The following PACSIN2 variants were observed in gnomAD, a reference collection of about 807,000 sequenced individuals.
PACSIN2 encodes the protein protein kinase C and casein kinase substrate in neurons 2, also known as protein kinase C and casein kinase substrate in neurons protein 2.
PACSIN2 carries 25 observed loss-of-function variants against 63.8 expected under a neutral mutation model. The ratio of observed to expected loss-of-function variants is 0.39; its 90% CI spans 0.29 to 0.55. PACSIN2 has a LOEUF of 0.55. Ranked by LOEUF, PACSIN2 falls within the 20% of genes least tolerant of loss-of-function variation. The pLI, the probability that PACSIN2 is intolerant of heterozygous loss-of-function variation, is 0.62. For synonymous variants in PACSIN2, 255 were observed against 256.2 expected, an observed-to-expected ratio of 1.00 and a Z score of 0.05; for missense variants, 518 against 646.9, an observed-to-expected ratio of 0.80 and a Z score of 2.16.
intron 2 of PACSIN2, among the ~76,000 whole-genome samples, chr22:42,907,736 A>G (rs1931179534): frequency 6.6e-6 from 1 of 152,258 alleles, no homozygotes; most frequent in African/African-American, 2.4e-5. Context: ...CTCTCCATAC[A>G]ACGCTGGCTC....
intron 1 of PACSIN2, among the ~76,000 whole-genome samples, chr22:42,930,048 C>T (rs1487306170): frequency 6.6e-6 from 1 of 152,064 alleles, no homozygotes; most frequent in Non-Finnish European, 1.5e-5. Context: ...TTTTTGTGTC[C>T]CAATCCTAGC....
chr22:42,969,562 C>T (rs888606711), intron 1 of PACSIN2, among the ~76,000 whole-genome samples: 5 of 152,100 alleles, frequency 3.3e-5, no homozygotes, highest in Non-Finnish European at 7.4e-5. Context: ...ATTGTAACAC[C>T]GGCATTATCC....
Position 42,879,111 on chromosome 22 carries a change from T to G in PACSIN2, c.965A>C (p.Asp322Ala). Reference protein sequence around the residue: ...LSRREKKKATDGVTLTGINQT... With the variant: ...LSRREKKKATAGVTLTGINQT... The stretch of plus-strand genomic sequence containing the variant: ...GTTGATGCCCGTCAGGGTGACGCCG[T>G]CAGTGGCCTTCTTCTTCTCTCTCCG... The change falls in exon 8 of 11, where the codon GAC becomes GCC. Residue 322 changes from aspartate (D) to alanine (A), a missense_variant. By Grantham distance (126) the Asp-to-Ala change is moderately radical. Transcript: ENST00000263246. 1 of 1,614,130 alleles carries G rather than the reference T, an allele frequency of 6.2e-7. No individual in the cohort carries two copies. The highest frequency in any genetic ancestry group is 8.5e-7 in the Non-Finnish European group (1 of 1,180,000).
chr22:42,936,628 T>C (rs566024829), intron 1 of PACSIN2, among the ~76,000 whole-genome samples: 82 of 152,192 alleles, frequency 5.4e-4, no homozygotes, highest in African/African-American at 1.8e-3. Context: ...GATGGGGTTA[T>C]GGCTGGGCAT....
chr22:42,872,232 G>A (rs546560027), intron 10 of PACSIN2, among the ~76,000 whole-genome samples: 50 of 152,344 alleles, frequency 3.3e-4, no homozygotes, highest in African/African-American at 1.2e-3. Flanking sequence ...TGGTGAGGGG[G>A]AGGTGGCACT....
chr22:42,906,006 C>G (rs1931050039), intron 2 of PACSIN2, among the ~76,000 whole-genome samples: 1 of 152,280 alleles, frequency 6.6e-6, no homozygotes, highest in African/African-American at 2.4e-5. Context: ...GCACCAGGCC[C>G]TGGCAACACC....
At chr22:42,963,195 C>T (rs1323405817) in intron 1 of PACSIN2, among the ~76,000 whole-genome samples, 1 of 152,186 alleles carries the variant, frequency 6.6e-6, no homozygotes, top group African/African-American at 2.4e-5. Context: ...CAGCCAAGGT[C>T]CCTGCCCCGG....
intron 1 of PACSIN2, among the ~76,000 whole-genome samples, chr22:42,981,550 C>T (rs1464508362): frequency 8.5e-6 from 1 of 117,102 alleles, no homozygotes; most frequent in Non-Finnish European, 1.8e-5. Flanking sequence ...CCCGGCCGGC[C>T]GCCCCGTCCG....
At chr22:42,947,744 G>A (rs571075635) in intron 1 of PACSIN2, among the ~76,000 whole-genome samples, 1 of 152,228 alleles carries the variant, frequency 6.6e-6, no homozygotes, top group Non-Finnish European at 1.5e-5. Context: ...GCCTGACACT[G>A]CTCATGGGTA....
rs199640673 is a variant in PACSIN2, at chr22:42,893,633, G to A, written c.61-20C>T. ...CCCGACCTAGGAGAGAGAACCAGCTGGGAGGCAGGGGGCTTGGGGCAGCCT... is the reference window on the plus strand; with the variant it reads ...CCCGACCTAGGAGAGAGAACCAGCTAGGAGGCAGGGGGCTTGGGGCAGCCT... On this transcript the variant is annotated intron_variant, in intron 2 of 10. Coordinates refer to ENST00000263246, the MANE Select transcript of PACSIN2 (RefSeq NM_001184970.3). The A allele has an allele frequency of 9.3e-6, 15 of 1,606,594 alleles. No individual in the cohort carries two copies. Among genetic ancestry groups the A allele is most frequent in the Non-Finnish European group, 1.2e-5 (14 of 1,174,320 alleles).
intron 1 of PACSIN2, among the ~76,000 whole-genome samples, chr22:42,916,597 C>A (rs1931826219): frequency 6.6e-6 from 1 of 152,110 alleles, no homozygotes; most frequent in Admixed American, 6.5e-5. Context: ...TGGCTCCCCG[C>A]TCTCACCCTG....
Position 42,894,723 on chromosome 22 carries a change from T to C in PACSIN2, c.61-1110A>G, listed in dbSNP as rs9623711. Among the ~76,000 whole-genome samples, 923 of 152,136 alleles carry C rather than the reference T, an allele frequency of 6.1e-3. 8 individuals carry two copies. Among genetic ancestry groups the C allele is most frequent in the African/African-American group, 0.021 (888 of 41,486 alleles). On this transcript the variant is annotated intron_variant, in intron 2 of 10. Coordinates refer to ENST00000263246, the MANE Select transcript of PACSIN2 (RefSeq NM_001184970.3). ...GGCTAATTTGGGGTGAAAACGAAAA[T>C]GTTCGATATGTTTCATTCTTTTAGC...
At chr22:42,972,269 G>A (rs1039084938) in intron 1 of PACSIN2, among the ~76,000 whole-genome samples, 3 of 152,164 alleles carry the variant, frequency 2.0e-5, no homozygotes, top group Admixed American at 6.5e-5. Context: ...ATTAAGGGCG[G>A]TGCACGATGT....
chr22:42,870,894 G>A lies in PACSIN2; in HGVS notation c.*463C>T, dbSNP rs529544981. ...TCTGTGCCATAATTTAAGTAGAAAT[G>A]AACAGGTGTATAAAAAAGTATAACT... On this transcript the variant is annotated 3_prime_UTR_variant, in exon 11 of 11. Coordinates refer to ENST00000263246, the MANE Select transcript of PACSIN2 (RefSeq NM_001184970.3). 3 of 169,824 alleles carry A rather than the reference G, an allele frequency of 1.8e-5. No individual in the cohort carries two copies. In the South Asian group the frequency reaches 4.4e-4, roughly 25 times the overall value. The allele number at this position is 169,824 out of a possible 1,614,324, so 10.5% of individuals were successfully genotyped here.
chr22:42,958,000 T>C (rs1281436038), intron 1 of PACSIN2, among the ~76,000 whole-genome samples: 1 of 152,070 alleles, frequency 6.6e-6, no homozygotes, highest in Admixed American at 6.6e-5. Flanking sequence ...GGTAATTCAC[T>C]ATACATCTAT....
At chr22:42,879,194 GAAACC>G in intron 7 of PACSIN2, 25 bp from the exon 8 acceptor site, 1 of 1,607,974 alleles carries the variant, frequency 6.2e-7, no homozygotes, top group Non-Finnish European at 8.5e-7. Flanking sequence ...CCGAGGGAGA[GAAACC>G]AAAGGTTCAC....
intron 1 of PACSIN2, among the ~76,000 whole-genome samples, chr22:42,934,648 C>T (rs1268070702): frequency 1.3e-5 from 2 of 152,228 alleles, no homozygotes; most frequent in African/African-American, 4.8e-5. Context: ...GTCATCTCCT[C>T]CAAGAAGCCC....
rs1921514530 is a variant in PACSIN2 at position 42,974,105 on chromosome 22, GGCCTGGT to G, written c.-78+40909_-78+40915del. ...GTGGATTACATGAGATAAAGCACCT[GGCCTGGT>G]GCCTGGCAGCTCACTGTTGTCCTGA... On this transcript the variant is annotated intron_variant, in intron 1 of 10. Coordinates refer to ENST00000263246, the MANE Select transcript of PACSIN2 (RefSeq NM_001184970.3). Among the ~76,000 whole-genome samples the G allele has an allele frequency of 2.6e-5, 4 of 152,170 alleles. No individual in the cohort carries two copies. The South Asian group carries it at 8.3e-4, about 32-fold the overall frequency.
At chr22:42,971,110 C>T (rs1206015451) in intron 1 of PACSIN2, among the ~76,000 whole-genome samples, 1 of 152,240 alleles carries the variant, frequency 6.6e-6, no homozygotes, top group Non-Finnish European at 1.5e-5. Context: ...TCTCCCTCTC[C>T]CTCCACGGTC....
Sources: gnomAD v4.1 joint callset for allele counts (sites outside exome capture counted in the v4.1 genomes callset) on GRCh38, gnomAD v4.1.1 for gene constraint, MANE v1.5 for transcripts, NCBI Gene and HGNC (gene_info 2026-07-23, HGNC 2026-07-21) for gene names.